PLA2G4C: variants seen among roughly 807,000 people sequenced by gnomAD.
PLA2G4C encodes the protein cytosolic phospholipase A2 gamma.
PLA2G4C carries 64 observed loss-of-function variants against 73.8 expected under a neutral mutation model. The observed-to-expected ratio is 0.87, with a 90% CI of 0.71 to 1.07. The LOEUF is 1.07. PLA2G4C is among the 50% of genes least tolerant of loss of function. The probability of loss-of-function intolerance (pLI) is 0.00; values close to 1 mark genes in which losing one functional copy is unlikely to be tolerated. For missense variants in PLA2G4C, 622 were observed against 665.4 expected, an observed-to-expected ratio of 0.93 and a Z score of 0.72; for synonymous variants, 254 against 252.1, an observed-to-expected ratio of 1.01 and a Z score of -0.07.
At chr19:48,106,643 G>A (rs2122160527) in intron 1 of PLA2G4C, 82 bp from the exon 2 acceptor site, 5 of 1,056,324 alleles carry the variant, frequency 4.7e-6, no homozygotes, top group Admixed American at 1.7e-5. Flanking sequence ...GGACTGTCAC[G>A]GGCTCATGGG....
At chr19:48,082,023 G>A (rs1032401144) in intron 10 of PLA2G4C, among the ~76,000 whole-genome samples, 1 of 152,048 alleles carries the variant, frequency 6.6e-6, no homozygotes, top group Non-Finnish European at 1.5e-5. Flanking sequence ...AGAGGTTGCA[G>A]TGAGACGAGA....
At chr19:48,055,692 G>A (rs202006791) in intron 14 of PLA2G4C, among the ~76,000 whole-genome samples, 2 of 152,148 alleles carry the variant, frequency 1.3e-5, no homozygotes, top group East Asian at 3.9e-4. Context: ...CCAGGCTGGA[G>A]TGCAATGGCA....
chr19:48,091,391 T>C (rs1318207486), intron 7 of PLA2G4C, among the ~76,000 whole-genome samples: 3 of 152,110 alleles, frequency 2.0e-5, no homozygotes, highest in Non-Finnish European at 4.4e-5. Context: ...TTTCACCATG[T>C]TGGCCCGTCT....
At chr19:48,090,941 A>G (rs2031257418) in intron 7 of PLA2G4C, among the ~76,000 whole-genome samples, 1 of 151,354 alleles carries the variant, frequency 6.6e-6, no homozygotes, top group Admixed American at 6.6e-5. Context: ...GGAGTTCAAG[A>G]CCTGTATTGG....
intron 2 of PLA2G4C, among the ~76,000 whole-genome samples, chr19:48,105,929 C>T (rs1410514587): frequency 0.02 from 268 of 13,104 alleles, 45 homozygotes; most frequent in African/African-American, 0.084. Flanking sequence ...CTCCCTCCCT[C>T]CCTCCCTCCC....
At chr19:48,091,618 G>T (rs955456641) in intron 7 of PLA2G4C, among the ~76,000 whole-genome samples, 1 of 152,122 alleles carries the variant, frequency 6.6e-6, no homozygotes, top group African/African-American at 2.4e-5. Flanking sequence ...GCCAGGCACG[G>T]TGGCTCACGC....
chr19:48,069,165 G>A (rs1968565481), intron 12 of PLA2G4C, among the ~76,000 whole-genome samples: 2 of 152,036 alleles, frequency 1.3e-5, no homozygotes, highest in African/African-American at 4.8e-5. Context: ...GGCATACAGG[G>A]GCCTGGGGGT....
In PLA2G4C at chr19:48,110,615, G is replaced by T; in HGVS notation, c.-161C>A. 1 of 816,530 alleles carries T rather than the reference G, an allele frequency of 1.2e-6. No homozygotes were observed. Among genetic ancestry groups the T allele is most frequent in the Non-Finnish European group, 1.6e-6 (1 of 608,864 alleles). The allele number at this position is 816,530 out of a possible 1,614,324, so 50.6% of individuals were successfully genotyped here. On this transcript the variant is annotated 5_prime_UTR_variant, in exon 1 of 17. Coordinates refer to ENST00000599921, the MANE Select transcript of PLA2G4C (RefSeq NM_003706.3). Reference sequence around the variant, plus strand: ...CAGCTCCTTCAGCCGGAATCTCCGCGGGTGAAGACTGCGGGGATCCTCGGT... The same window carrying T: ...CAGCTCCTTCAGCCGGAATCTCCGCTGGTGAAGACTGCGGGGATCCTCGGT...
chr19:48,083,423 CT>C (rs2030759092), intron 10 of PLA2G4C, among the ~76,000 whole-genome samples: 1 of 69,630 alleles, frequency 1.4e-5, no homozygotes, highest in Non-Finnish European at 3.1e-5. Flanking sequence ...TGTTTCATTT[CT>C]TTTTTTTCTT....
At chr19:48,102,094 T>G (rs191939498) in intron 4 of PLA2G4C, among the ~76,000 whole-genome samples, 4 of 152,116 alleles carry the variant, frequency 2.6e-5, no homozygotes, top group Non-Finnish European at 5.9e-5. Flanking sequence ...TTAACAATTT[T>G]TTTCTTAACG....
At chr19:48,071,817 T>G (rs1156233182) in intron 12 of PLA2G4C, among the ~76,000 whole-genome samples, 2 of 152,046 alleles carry the variant, frequency 1.3e-5, no homozygotes, top group Non-Finnish European at 2.9e-5. Flanking sequence ...TTTTCCAGGC[T>G]AGTCTTGAAT....
At chr19:48,069,056 A>C (rs1968561205) in intron 12 of PLA2G4C, among the ~76,000 whole-genome samples, 1 of 151,818 alleles carries the variant, frequency 6.6e-6, no homozygotes, top group Non-Finnish European at 1.5e-5. Context: ...AAAAAAAAAA[A>C]AAAAACGGTG....
rs1172837342 is a variant in PLA2G4C at position 48,048,338 on chromosome 19, C to T, written c.*5G>A. 6.3e-6 allele frequency: 10 copies of T among 1,597,390 alleles called. No individual in the cohort carries two copies. In the Middle Eastern group the frequency reaches 5.0e-4, roughly 80 times the overall value. Reference sequence around the variant, plus strand: ...GCCCACAGTGCCCTGGAAGCTGAGGCTCATCTATGCCAAGCAGCAACTTCG... The same window carrying T: ...GCCCACAGTGCCCTGGAAGCTGAGGTTCATCTATGCCAAGCAGCAACTTCG... On this transcript the variant is annotated 3_prime_UTR_variant, in exon 17 of 17. Transcript: ENST00000599921.
chr19:48,054,400 T>G lies in PLA2G4C; in HGVS notation c.1429+478A>C, dbSNP rs568218089. ...CTCACTGCAACCTCCGCCTCCCAGG[T>G]TCAAGCGATTCTCCTGCCTCAGCCT... On this transcript the variant is annotated intron_variant, in intron 15 of 16. Coordinates refer to ENST00000599921, the MANE Select transcript of PLA2G4C (RefSeq NM_003706.3). Among the ~76,000 whole-genome samples, 8 of 152,164 alleles carry G rather than the reference T, an allele frequency of 5.3e-5. 1 individual carries two copies. The highest frequency in any genetic ancestry group is 1.9e-4 in the African/African-American group (8 of 41,534).
intron 10 of PLA2G4C, among the ~76,000 whole-genome samples, chr19:48,079,339 C>T (rs1316136862): frequency 1.3e-5 from 2 of 152,090 alleles, no homozygotes; most frequent in Non-Finnish European, 2.9e-5. Context: ...AACAATGGAA[C>T]AGAATAGAGA....
intron 14 of PLA2G4C, among the ~76,000 whole-genome samples, chr19:48,058,589 G>T (rs935739098): frequency 6.6e-6 from 1 of 152,128 alleles, no homozygotes; most frequent in Non-Finnish European, 1.5e-5. Context: ...AGGCTGAGGT[G>T]GGCGGATCAC....
chr19:48,082,900 G>C (rs1428865329), intron 10 of PLA2G4C, among the ~76,000 whole-genome samples: 1 of 144,750 alleles, frequency 6.9e-6, no homozygotes, highest in Admixed American at 7.2e-5. Context: ...CGCAAACTCT[G>C]CCTCCCAGGT....
chr19:48,086,357 A>C (rs1220962415), intron 9 of PLA2G4C, among the ~76,000 whole-genome samples: 1 of 152,102 alleles, frequency 6.6e-6, no homozygotes, highest in Non-Finnish European at 1.5e-5. Context: ...CCCACTCCCT[A>C]CACAAACTCT....
At chr19:48,067,140 C>A (rs1188761388) in intron 13 of PLA2G4C, among the ~76,000 whole-genome samples, 1 of 151,472 alleles carries the variant, frequency 6.6e-6, no homozygotes, top group Non-Finnish European at 1.5e-5. Context: ...GAGGGTCAGT[C>A]CCCTGAAGGG....
Sources: gnomAD v4.1 joint callset for allele counts (sites outside exome capture counted in the v4.1 genomes callset) on GRCh38, gnomAD v4.1.1 for gene constraint, MANE v1.5 for transcripts, NCBI Gene and HGNC (gene_info 2026-07-23, HGNC 2026-07-21) for gene names.